Variants in MYO1E observed in about 807,000 individuals in gnomAD.
The protein encoded by MYO1E is myosin IE, also known as unconventional myosin-Ie.
MYO1E carries 68 observed loss-of-function variants against 151.1 expected under a neutral mutation model. The observed-to-expected ratio is 0.45, with a 90% CI of 0.37 to 0.55. The LOEUF (loss-of-function observed/expected upper bound fraction) is 0.55. Among genes scored for constraint, MYO1E ranks in the 20% least tolerant of loss-of-function variants. MYO1E has a pLI of 0.00. For synonymous variants in MYO1E, 601 were observed against 501.7 expected, an observed-to-expected ratio of 1.20 and a Z score of -2.64; for missense variants, 1,363 against 1,389.3, an observed-to-expected ratio of 0.98 and a Z score of 0.30.
At chr15:59,194,716 T>C (rs529559323) in intron 17 of MYO1E, among the ~76,000 whole-genome samples, 22 of 152,306 alleles carry the variant, frequency 1.4e-4, no homozygotes, top group African/African-American at 5.1e-4. Context: ...GGATCAGGCC[T>C]CTGAACAATG....
At chr15:59,328,827 T>G (rs2080682085) in intron 1 of MYO1E, among the ~76,000 whole-genome samples, 1 of 152,184 alleles carries the variant, frequency 6.6e-6, no homozygotes, top group Admixed American at 6.5e-5. Flanking sequence ...CAGGGCTACT[T>G]CTACCCATAC....
At chr15:59,333,992 A>G (rs1268081369) in intron 1 of MYO1E, among the ~76,000 whole-genome samples, 2 of 152,212 alleles carry the variant, frequency 1.3e-5, no homozygotes, top group African/African-American at 4.8e-5. Flanking sequence ...GATATAAAAG[A>G]AATATGAAGA....
chr15:59,201,369 C>T (rs2140333495), intron 16 of MYO1E, among the ~76,000 whole-genome samples: 1 of 150,442 alleles, frequency 6.6e-6, no homozygotes, highest in East Asian at 2.0e-4. Flanking sequence ...GTTGGGATTA[C>T]AGGCCAGAGC....
intron 4 of MYO1E, among the ~76,000 whole-genome samples, chr15:59,245,835 A>T (rs1340492171): frequency 1.3e-5 from 2 of 152,204 alleles, no homozygotes; most frequent in Admixed American, 1.3e-4. Context: ...CCACATTGTC[A>T]AGATCTTGTC....
Position 59,154,052 on chromosome 15 carries a change from T to C in MYO1E, c.2879-261A>G, listed in dbSNP as rs543803267. 2.8e-4 allele frequency among the ~76,000 whole-genome samples: 42 copies of C among 152,330 alleles called. No homozygotes were observed. The South Asian group carries it at 8.3e-3, about 30-fold the overall frequency. On this transcript the variant is annotated intron_variant, in intron 25 of 27. Transcript: ENST00000288235. ...TGTATTTAACATGTACAACAATGCA[T>C]GGTCAACTTCCCGGGATGTGCCCGG...
At chr15:59,141,667 G>C (rs1309669403) in intron 26 of MYO1E, among the ~76,000 whole-genome samples, 4 of 152,090 alleles carry the variant, frequency 2.6e-5, no homozygotes, top group African/African-American at 9.7e-5. Context: ...GCGTGACGGT[G>C]CATGCCTATA....
At chr15:59,278,259 C>T (rs1307887711) in intron 1 of MYO1E, among the ~76,000 whole-genome samples, 3 of 152,112 alleles carry the variant, frequency 2.0e-5, no homozygotes, top group Non-Finnish European at 4.4e-5. Context: ...ACTAGAATGC[C>T]CCCAGTGTTA....
At chr15:59,211,582 T>A (rs1230989536) in intron 12 of MYO1E, among the ~76,000 whole-genome samples, 2 of 152,142 alleles carry the variant, frequency 1.3e-5, no homozygotes, top group African/African-American at 4.8e-5. Flanking sequence ...ATTGGAATCT[T>A]CACTTGGATG....
At chr15:59,241,832 T>A (rs1192082864) in intron 4 of MYO1E, among the ~76,000 whole-genome samples, 1 of 151,996 alleles carries the variant, frequency 6.6e-6, no homozygotes, top group African/African-American at 2.4e-5. Context: ...GGTGGGAGGA[T>A]TGTTTGAGTC....
chr15:59,152,879 C>G (rs1049210328), intron 26 of MYO1E, among the ~76,000 whole-genome samples: 8 of 152,176 alleles, frequency 5.3e-5, no homozygotes, highest in Non-Finnish European at 1.2e-4. Flanking sequence ...CATACGAGGG[C>G]AACTCATATT....
chr15:59,245,988 C>G (rs1474555205), intron 4 of MYO1E, among the ~76,000 whole-genome samples: 1 of 152,222 alleles, frequency 6.6e-6, no homozygotes, highest in Non-Finnish European at 1.5e-5. Context: ...TGCACAAATC[C>G]AAATTCTGGA....
At chr15:59,372,352 G>A (rs2140448783) in intron 1 of MYO1E, 146 bp downstream of exon 1, 4 of 997,774 alleles carry the variant, frequency 4.0e-6, no homozygotes, top group Non-Finnish European at 4.5e-6. Context: ...AAAGCGGCAG[G>A]AAATCAGAGC....
chr15:59,171,508 G>A (rs547164304), intron 22 of MYO1E, among the ~76,000 whole-genome samples: 3 of 152,330 alleles, frequency 2.0e-5, no homozygotes, highest in Admixed American at 2.0e-4. Context: ...CTCTGCTCAG[G>A]GAAATGGGTG....
intron 1 of MYO1E, among the ~76,000 whole-genome samples, chr15:59,283,323 T>C (rs568161028): frequency 6.6e-6 from 1 of 152,204 alleles, no homozygotes; most frequent in Admixed American, 6.5e-5. Flanking sequence ...GGATCTTCAG[T>C]ACCTACATTC....
Position 59,174,109 on chromosome 15 carries a change from C to T in MYO1E, c.2164+17G>A. 6.2e-7 allele frequency: 1 copy of T among 1,600,348 alleles called. No individual in the cohort carries two copies. The highest frequency in any genetic ancestry group is 8.6e-7 in the Non-Finnish European group (1 of 1,167,646). ...TTCAGATTTATTAAAATCAATGAAA[C>T]AAAATTGCTAAAATACCTTCTTCTC... is the stretch of plus-strand genomic sequence containing the variant. On this transcript the variant is annotated intron_variant, in intron 20 of 27. Coordinates refer to ENST00000288235, the MANE Select transcript of MYO1E (RefSeq NM_004998.4).
intron 1 of MYO1E, among the ~76,000 whole-genome samples, chr15:59,285,671 A>T (rs968006965): frequency 6.6e-6 from 1 of 152,206 alleles, no homozygotes; most frequent in African/African-American, 2.4e-5. Context: ...TAAAAAAAAT[A>T]ATAAAATCAA....
At chr15:59,188,694 T>C (rs572341935) in intron 17 of MYO1E, among the ~76,000 whole-genome samples, 2 of 152,114 alleles carry the variant, frequency 1.3e-5, no homozygotes, top group East Asian at 3.9e-4. Flanking sequence ...AGACTCCGTC[T>C]CAGAAATAAA....
chr15:59,250,898 A>G (rs1343672370), intron 4 of MYO1E, among the ~76,000 whole-genome samples: 1 of 152,194 alleles, frequency 6.6e-6, no homozygotes, highest in Admixed American at 6.5e-5. Flanking sequence ...ATCCCGCTTC[A>G]GTGCAGGTGG....
At chr15:59,226,450 C>A (rs1329344871) in intron 7 of MYO1E, among the ~76,000 whole-genome samples, 4 of 152,138 alleles carry the variant, frequency 2.6e-5, no homozygotes, top group Non-Finnish European at 4.4e-5. Context: ...GTAAATAGAA[C>A]ATAAAAAATT....
Sources: allele counts gnomAD v4.1 joint callset (sites outside exome capture counted in the v4.1 genomes callset), GRCh38; gene constraint gnomAD v4.1.1; transcripts MANE v1.5; gene names NCBI Gene and HGNC (gene_info 2026-07-23, HGNC 2026-07-21).